CCDC122: variants seen among roughly 807,000 people sequenced by gnomAD.
The protein encoded by CCDC122 is coiled-coil domain-containing protein 122.
A neutral mutation model predicts 37.0 loss-of-function variants in CCDC122; 38 were observed. The observed-to-expected ratio is 1.03, with a 90% CI of 0.79 to 1.35. CCDC122 has a LOEUF of 1.35. Ranked by LOEUF, CCDC122 falls within the 40% of genes most tolerant of loss-of-function variation. CCDC122 has a pLI of 0.00. For synonymous variants in CCDC122, 83 were observed against 95.6 expected, an observed-to-expected ratio of 0.87 and a Z score of 0.77; for missense variants, 305 against 310.0, an observed-to-expected ratio of 0.98 and a Z score of 0.12.
chr13:43,860,104 CA>C (rs1954057579), intron 4 of CCDC122, 34 bp from the exon 5 acceptor site: 1 of 1,155,722 alleles, frequency 8.7e-7, no homozygotes, highest in Admixed American at 3.5e-5. Context: ...ATTATTAATT[CA>C]AAATATTAAA....
chr13:43,837,368 T>C lies in CCDC122; in HGVS notation c.734A>G (p.Gln245Arg), dbSNP rs75926034. 4 of 1,614,104 alleles carry C rather than the reference T, an allele frequency of 2.5e-6. No individual in the cohort carries two copies. The African/African-American group carries it at 4.0e-5, about 16-fold the overall frequency. Residue 245 changes from glutamine to arginine, a missense_variant, in exon 7 of 7, where the codon CAG (glutamine) becomes CGG (arginine). Physicochemically the swap from Gln to Arg is conservative, Grantham distance 43. Transcript: ENST00000444614. ...CCATTGCCACTGTCGTCTATTTGAC[T>C]GAAGCTTGTTCACCTGACAATGCAA... ...KRLHCQVNKL[Q>R]SNRRQWQWNI...
intron 1 of CCDC122, among the ~76,000 whole-genome samples, chr13:43,878,513 G>A (rs960747026): frequency 6.6e-6 from 1 of 152,142 alleles, no homozygotes; most frequent in Non-Finnish European, 1.5e-5. Context: ...CCAGCTATCT[G>A]AGATTATGAG....
intron 6 of CCDC122, among the ~76,000 whole-genome samples, chr13:43,840,383 T>C (rs1953305528): frequency 2.6e-5 from 4 of 152,154 alleles, no homozygotes; most frequent in Admixed American, 2.0e-4. Context: ...ATTTTTATTT[T>C]TATTTTTTAC....
At chr13:43,878,981 A>G (rs1179682191) in intron 1 of CCDC122, among the ~76,000 whole-genome samples, 3 of 152,274 alleles carry the variant, frequency 2.0e-5, no homozygotes, top group Admixed American at 6.5e-5. Flanking sequence ...TGAGCCCTGC[A>G]TGGGAAAAGC....
chr13:43,876,783 T>G (rs1431990196), intron 1 of CCDC122, among the ~76,000 whole-genome samples: 1 of 152,244 alleles, frequency 6.6e-6, no homozygotes, highest in East Asian at 1.9e-4. Context: ...TTTAATATTT[T>G]GGAAAGACCC....
chr13:43,873,185 G>A (rs2153880357), intron 2 of CCDC122, among the ~76,000 whole-genome samples: 1 of 152,002 alleles, frequency 6.6e-6, no homozygotes, highest in East Asian at 1.9e-4. Flanking sequence ...TATTCTACAT[G>A]TGATGCCATC....
In CCDC122 at chr13:43,859,896, T is replaced by C; in HGVS notation, c.331A>G (p.Ile111Val). 6.2e-7 allele frequency: 1 copy of C among 1,608,260 alleles called. No homozygotes were observed. ...HSENVKLKFD[I>V]ETAQEDFEEH... ...TCAAAATCTTCTTGGGCTGTTTCTA[T>C]GTCAAATTTAAGCTTTACATTTTCT... Residue 111 changes from isoleucine to valine, a missense_variant, in exon 5 of 7, where the codon ATA (isoleucine) becomes GTA (valine). By Grantham distance (29) the Ile-to-Val change is conservative. Coordinates refer to ENST00000444614, the MANE Select transcript of CCDC122 (RefSeq NM_144974.5).
At chr13:43,821,891 C>G (rs930266062), downstream of CCDC122, among the ~76,000 whole-genome samples, 1 of 152,194 alleles carries the variant, frequency 6.6e-6, no homozygotes, top group South Asian at 2.1e-4. Flanking sequence ...AATTCCCTCT[C>G]TGTGTTATCT....
intron 3 of CCDC122, among the ~76,000 whole-genome samples, chr13:43,827,201 C>T (rs979582788): frequency 5.3e-5 from 8 of 152,032 alleles, no homozygotes; most frequent in African/African-American, 1.9e-4. Context: ...ATTAGAGCTA[C>T]CTAAAAGTAT....
At chr13:43,834,526 T>A (rs1953121276), downstream of CCDC122, among the ~76,000 whole-genome samples, 1 of 152,116 alleles carries the variant, frequency 6.6e-6, no homozygotes, top group Non-Finnish European at 1.5e-5. Flanking sequence ...ACAGGCAACC[T>A]ACAGAATGGG....
chr13:43,853,360 A>G (rs956911283), intron 6 of CCDC122, among the ~76,000 whole-genome samples: 4 of 152,204 alleles, frequency 2.6e-5, no homozygotes, highest in Non-Finnish European at 4.4e-5. Flanking sequence ...CACAAAACAG[A>G]CTTTAAACCA....
chr13:43,857,459 TG>T (rs1189273903), intron 6 of CCDC122, among the ~76,000 whole-genome samples: 66 of 117,826 alleles, frequency 5.6e-4, no homozygotes, highest in African/African-American at 2.4e-3. Context: ...AGTGTGTGTG[TG>T]TGTGTGTGTG....
intron 2 of CCDC122, among the ~76,000 whole-genome samples, chr13:43,873,074 T>C (rs191446644): frequency 3.9e-5 from 6 of 152,282 alleles, no homozygotes; most frequent in Admixed American, 3.9e-4. Context: ...CTTCTTGAAA[T>C]ACCATACTTC....
chr13:43,838,857 AG>A (rs1953253501), intron 6 of CCDC122, among the ~76,000 whole-genome samples: 1 of 152,222 alleles, frequency 6.6e-6, no homozygotes, highest in Non-Finnish European at 1.5e-5. Context: ...AAATCATGCT[AG>A]CGCATACATT....
intron 3 of CCDC122, among the ~76,000 whole-genome samples, chr13:43,824,690 TAAAC>T (rs1202865917): frequency 4.6e-5 from 7 of 152,030 alleles, no homozygotes; most frequent in African/African-American, 9.7e-5. Flanking sequence ...TTAAGGAACT[TAAAC>T]AAATCAACAA....
intron 5 of CCDC122, among the ~76,000 whole-genome samples, chr13:43,859,143 G>A (rs1000429943): frequency 6.6e-6 from 1 of 152,114 alleles, no homozygotes; most frequent in African/African-American, 2.4e-5. Flanking sequence ...TAGTTATGGT[G>A]GCAACTGCCG....
intron 2 of CCDC122, among the ~76,000 whole-genome samples, chr13:43,870,174 T>C (rs550374965): frequency 3.3e-5 from 5 of 150,908 alleles, no homozygotes; most frequent in African/African-American, 1.2e-4. Flanking sequence ...TATCTAGAAA[T>C]ATACAACTAA....
At position 43,869,340 on chromosome 13, in the gene CCDC122, G is replaced by A. The variant is rs771041405; in HGVS notation, c.37C>T (p.Pro13Ser). The A allele has an allele frequency of 1.9e-6, 3 of 1,605,464 alleles. No homozygotes were observed. The highest frequency in any genetic ancestry group is 2.6e-6 in the Non-Finnish European group (3 of 1,174,648). The change falls in exon 3 of 7, where the codon CCT becomes TCT. Residue 13 changes from proline to serine, a missense_variant. Pro to Ser is a moderately conservative substitution (Grantham distance 74). Coordinates refer to ENST00000444614, the MANE Select transcript of CCDC122 (RefSeq NM_144974.5). The part of the protein sequence containing the change: ...DNKERKSQGF[P>S]KEDNQDTSSL... ...AAGACTGTTTCATTACCTTCTTTAG[G>A]AAATCCTTGACTCTTCCTTTCTTTG... is the stretch of plus-strand genomic sequence containing the variant.
At chr13:43,853,351 A>G (rs1306363848) in intron 6 of CCDC122, among the ~76,000 whole-genome samples, 1 of 152,218 alleles carries the variant, frequency 6.6e-6, no homozygotes, top group African/African-American at 2.4e-5. Context: ...CTGGTTTCAC[A>G]CAAAACAGAC....
Sources: allele counts gnomAD v4.1 joint callset (sites outside exome capture counted in the v4.1 genomes callset), GRCh38; gene constraint gnomAD v4.1.1; transcripts MANE v1.5; gene names NCBI Gene and HGNC (gene_info 2026-07-23, HGNC 2026-07-21).